The following NBEA variants were observed in gnomAD, a reference collection of about 807,000 sequenced individuals.
NBEA encodes the protein lysosomal-trafficking regulator 2.
A neutral mutation model predicts 343.4 loss-of-function variants in NBEA; 44 were observed. The observed-to-expected ratio is 0.13, with a 90% CI of 0.10 to 0.16. NBEA has a LOEUF of 0.16. Among genes scored for constraint, NBEA ranks in the 10% least tolerant of loss-of-function variants. NBEA has a pLI of 1.00. For missense variants in NBEA, 2,555 were observed against 3,631.3 expected, an observed-to-expected ratio of 0.70 and a Z score of 7.62; for synonymous variants, 1,175 against 1,238.7, an observed-to-expected ratio of 0.95 and a Z score of 1.08.
chr13:35,169,841 T>G (rs1009124664), intron 25 of NBEA, among the ~76,000 whole-genome samples: 1 of 151,830 alleles, frequency 6.6e-6, no homozygotes, highest in Non-Finnish European at 1.5e-5. Context: ...TGATGCTGTA[T>G]ATTCATGAAG....
At chr13:35,420,778 T>C (rs1228113326) in intron 38 of NBEA, among the ~76,000 whole-genome samples, 1 of 152,018 alleles carries the variant, frequency 6.6e-6, no homozygotes. Context: ...GCCAAATTTA[T>C]GTGTGTAGAG....
chr13:35,093,134 A>G (rs904203786), intron 10 of NBEA, among the ~76,000 whole-genome samples: 8 of 151,994 alleles, frequency 5.3e-5, no homozygotes, highest in Admixed American at 1.3e-4. Context: ...AAGTAAAAAT[A>G]TGTAGTGATA....
chr13:35,327,633 G>GA (rs964975471), intron 36 of NBEA, among the ~76,000 whole-genome samples: 4 of 152,048 alleles, frequency 2.6e-5, no homozygotes, highest in African/African-American at 9.6e-5. Flanking sequence ...CTTGAGGAGG[G>GA]AGAGAGAGCA....
chr13:35,086,692 G>A (rs1405607739), intron 10 of NBEA, among the ~76,000 whole-genome samples: 2 of 151,762 alleles, frequency 1.3e-5, no homozygotes, highest in African/African-American at 4.8e-5. Flanking sequence ...GGATTGCTGG[G>A]TCGAATGGTA....
intron 39 of NBEA, among the ~76,000 whole-genome samples, chr13:35,438,514 G>C (rs1203952781): frequency 3.3e-5 from 5 of 152,136 alleles, no homozygotes; most frequent in Non-Finnish European, 7.4e-5. Flanking sequence ...ACTTGATTTT[G>C]TAAAACCTAA....
chr13:35,463,969 A>C (rs1394121356), intron 40 of NBEA, among the ~76,000 whole-genome samples: 1 of 152,230 alleles, frequency 6.6e-6, no homozygotes, highest in Non-Finnish European at 1.5e-5. Flanking sequence ...GTTAAGGATA[A>C]ATGCAGACAG....
chr13:35,342,426 T>C (rs2039638492), intron 36 of NBEA, among the ~76,000 whole-genome samples: 1 of 152,066 alleles, frequency 6.6e-6, no homozygotes, highest in African/African-American at 2.4e-5. Flanking sequence ...ACCATAATTT[T>C]AGATGGTTTA....
intron 48 of NBEA, among the ~76,000 whole-genome samples, chr13:35,621,851 A>G (rs138988599): frequency 0.011 from 1,727 of 152,340 alleles, 44 homozygotes; most frequent in African/African-American, 0.039. Flanking sequence ...AATTAGATAA[A>G]GTCCCTATCT....
chr13:35,628,046 T>C (rs778698801), intron 48 of NBEA, 35 bp from the exon 49 acceptor site: 15 of 1,570,776 alleles, frequency 9.5e-6, no homozygotes, highest in Admixed American at 7.3e-5. Flanking sequence ...TACTAAGTTT[T>C]GATGGTCTCT....
chr13:35,485,508 G>A (rs1263334930), intron 41 of NBEA, among the ~76,000 whole-genome samples: 1 of 152,064 alleles, frequency 6.6e-6, no homozygotes, highest in Admixed American at 6.5e-5. Flanking sequence ...ATTCAAATAT[G>A]TTCACTACTG....
At chr13:35,537,758 A>G (rs1277597485) in intron 41 of NBEA, among the ~76,000 whole-genome samples, 1 of 152,198 alleles carries the variant, frequency 6.6e-6, no homozygotes, top group African/African-American at 2.4e-5. Flanking sequence ...AGGAAACAAC[A>G]TGGTAGGTAA....
intron 24 of NBEA, among the ~76,000 whole-genome samples, chr13:35,167,998 A>T (rs969984066): frequency 6.6e-6 from 1 of 151,850 alleles, no homozygotes; most frequent in Admixed American, 6.6e-5. Flanking sequence ...CATAATTATA[A>T]GAAAGAAGAG....
At position 35,161,417 on chromosome 13, in the gene NBEA, C is replaced by A. The variant is rs184566193; in HGVS notation, c.3862-333C>A. 2.6e-3 allele frequency among the ~76,000 whole-genome samples: 392 copies of A among 152,236 alleles called. 1 individual carries two copies. Among genetic ancestry groups the A allele is most frequent in the African/African-American group, 9.1e-3 (377 of 41,548 alleles). Reference sequence around the variant, plus strand: ...CAGTATACTTCACTGTGTATATGCTCACTTCATTAAGGAAGTAATGTGGTC... The same window carrying A: ...CAGTATACTTCACTGTGTATATGCTAACTTCATTAAGGAAGTAATGTGGTC... On this transcript the variant is annotated intron_variant, in intron 22 of 58. Transcript: ENST00000379939.
chr13:35,546,421 ATTGTTGCACTCCAGC>A (rs1327701215), intron 41 of NBEA, among the ~76,000 whole-genome samples: 1 of 151,284 alleles, frequency 6.6e-6, no homozygotes, highest in East Asian at 1.9e-4. Flanking sequence ...AGGAGATGGC[ATTGTTGCACTCCAGC>A]ATGGCTGACA....
At chr13:35,556,817 G>A (rs2079592151) in intron 44 of NBEA, among the ~76,000 whole-genome samples, 1 of 151,980 alleles carries the variant, frequency 6.6e-6, no homozygotes, top group East Asian at 1.9e-4. Flanking sequence ...TGGGGTCTAC[G>A]TCTTTTTGCA....
chr13:35,425,374 A>G (rs1468380188), intron 38 of NBEA, among the ~76,000 whole-genome samples: 1 of 152,180 alleles, frequency 6.6e-6, no homozygotes, highest in Non-Finnish European at 1.5e-5. Context: ...TTCAAAGAAC[A>G]TCTTTATTTC....
chr13:35,578,325 G>C (rs1192979915), intron 45 of NBEA, among the ~76,000 whole-genome samples: 1 of 152,026 alleles, frequency 6.6e-6, no homozygotes, highest in East Asian at 1.9e-4. Flanking sequence ...GGATCTGTGA[G>C]GAATGAGGAA....
intron 49 of NBEA, among the ~76,000 whole-genome samples, chr13:35,641,249 A>C (rs1026229919): frequency 2.6e-5 from 4 of 152,160 alleles, no homozygotes; most frequent in Non-Finnish European, 5.9e-5. Context: ...ATAAATACAC[A>C]AAACCATTTT....
chr13:35,032,469 A>T (rs761488477), intron 1 of NBEA, among the ~76,000 whole-genome samples: 1 of 151,808 alleles, frequency 6.6e-6, no homozygotes, highest in African/African-American at 2.4e-5. Flanking sequence ...GTGTCTGTTC[A>T]TGTCCTTTGC....
Sources: allele counts gnomAD v4.1 joint callset (sites outside exome capture counted in the v4.1 genomes callset), GRCh38; gene constraint gnomAD v4.1.1; transcripts MANE v1.5; gene names NCBI Gene and HGNC (gene_info 2026-07-23, HGNC 2026-07-21).